The following LAMB1 variants were observed in gnomAD, a reference collection of about 807,000 sequenced individuals.
LAMB1 encodes the protein laminin subunit beta 1, also known as laminin subunit beta-1.
Under a neutral mutation model 222.3 loss-of-function variants are expected in LAMB1, and 121 were observed. That is an observed-to-expected ratio of 0.54 (90% confidence interval 0.47 to 0.63). LAMB1 has a LOEUF of 0.63. Among genes scored for constraint, LAMB1 ranks in the 30% least tolerant of loss-of-function variants. The pLI is 0.00. For missense variants in LAMB1, 2,172 were observed against 2,240.8 expected (o/e 0.97, Z 0.62); for synonymous variants, 794 against 807.2 (o/e 0.98, Z 0.28).
intron 13 of LAMB1, among the ~76,000 whole-genome samples, chr7:107,970,388 T>G (rs946688236): frequency 1.3e-5 from 2 of 149,012 alleles, no homozygotes; most frequent in African/African-American, 5.0e-5. Context: ...CTCGGGAGGC[T>G]GAGGTGGGAG....
rs777762517 is a variant in LAMB1 at position 107,935,659 on chromosome 7, A to G, written c.3947-3T>C. 55 of 1,613,286 alleles carry G rather than the reference A, an allele frequency of 3.4e-5. No homozygotes were observed. The African/African-American group carries it at 7.1e-4, about 21-fold the overall frequency. ...CTTGGTAATGCTATCCAAGGCACCT[A>G]GGGTAGGAAATGAAATTGCCCACAG... On this transcript the variant is annotated splice_region_variant and splice_polypyrimidine_tract_variant and intron_variant, in intron 26 of 33. Transcript: ENST00000222399.
At chr7:108,000,975 G>T (rs1424872232) in intron 3 of LAMB1, among the ~76,000 whole-genome samples, 1 of 152,180 alleles carries the variant, frequency 6.6e-6, no homozygotes, top group Non-Finnish European at 1.5e-5. Context: ...CCCTCTTTTA[G>T]AAACAGGTAA....
intron 5 of LAMB1, among the ~76,000 whole-genome samples, chr7:107,988,010 C>G (rs2034112045): frequency 6.6e-6 from 1 of 152,118 alleles, no homozygotes; most frequent in South Asian, 2.1e-4. Flanking sequence ...GTGGTAGTTA[C>G]TGGACATGGA....
chr7:107,979,143 T>A (rs1247055814), intron 8 of LAMB1, among the ~76,000 whole-genome samples: 2 of 152,236 alleles, frequency 1.3e-5, no homozygotes, highest in African/African-American at 4.8e-5. Flanking sequence ...TAACAGGACA[T>A]TAGCTACACA....
chr7:107,994,342 TTC>T (rs1442383053), intron 5 of LAMB1, among the ~76,000 whole-genome samples: 1 of 152,202 alleles, frequency 6.6e-6, no homozygotes, highest in Non-Finnish European at 1.5e-5. Flanking sequence ...TGTAAAACTG[TTC>T]CTTAAGCTAT....
chr7:107,986,570 T>C (rs1003037610), intron 5 of LAMB1, among the ~76,000 whole-genome samples: 8 of 152,196 alleles, frequency 5.3e-5, no homozygotes, highest in African/African-American at 1.7e-4. Flanking sequence ...CTAAAATGTA[T>C]ACTTTTCCCC....
chr7:107,931,744 T>C (rs1189528641), intron 28 of LAMB1: 2 of 517,884 alleles, frequency 3.9e-6, no homozygotes, highest in African/African-American at 3.9e-5. Context: ...AAGTTGTTTT[T>C]TAACTCCTGG....
chr7:107,982,889 C>T (rs1198460284), intron 7 of LAMB1, among the ~76,000 whole-genome samples: 2 of 152,132 alleles, frequency 1.3e-5, no homozygotes, highest in Non-Finnish European at 1.5e-5. Context: ...AAAGATTCTC[C>T]GATGTCATTT....
chr7:107,979,849 G>A (rs1203902437), intron 8 of LAMB1, among the ~76,000 whole-genome samples: 5 of 152,190 alleles, frequency 3.3e-5, no homozygotes, highest in East Asian at 3.9e-4. Flanking sequence ...AGAGGTGTGC[G>A]GATCACTTGA....
chr7:107,985,971 A>C (rs762473558), intron 7 of LAMB1, 51 bp downstream of exon 7: 2 of 1,423,930 alleles, frequency 1.4e-6, no homozygotes, highest in Admixed American at 3.4e-5. Flanking sequence ...AAACAAAACA[A>C]AACAAACAAA....
At chr7:107,946,155 C>A (rs978338584) in intron 24 of LAMB1, among the ~76,000 whole-genome samples, 1 of 152,168 alleles carries the variant, frequency 6.6e-6, no homozygotes, top group African/African-American at 2.4e-5. Context: ...TGGACCTTGC[C>A]TCAAAGCAAC....
In LAMB1 at chr7:107,964,630, G is replaced by A. The variant is rs762973170; in HGVS notation, c.1620C>T (p.Cys540=). ...SCRPHMIGRQ[C]NEVEPGYYFA... ...AGTAGTAACCAGGTTCCACTTCGTT[G>A]CACTGACGTCCAATCATGTGAGGCC... Residue 540 remains cysteine (C), a synonymous_variant, in exon 14 of 34, where the codon TGC becomes TGT. Transcript: ENST00000222399. 1.2e-6 allele frequency: 2 copies of A among 1,614,136 alleles called. No individual in the cohort carries two copies. The highest frequency in any genetic ancestry group is 1.7e-6 in the Non-Finnish European group (2 of 1,180,010).
Position 107,940,289 on chromosome 7 carries a change from A to G in LAMB1, c.3461T>C (p.Val1154Ala), listed in dbSNP as rs376181701. 1 of 1,614,110 alleles carries G rather than the reference A, an allele frequency of 6.2e-7. No homozygotes were observed. Among genetic ancestry groups the G allele is most frequent in the Non-Finnish European group, 8.5e-7 (1 of 1,180,000 alleles). The change falls in exon 25 of 34, where the codon GTT becomes GCT. Residue 1154 changes from valine to alanine, a missense_variant. Coordinates refer to ENST00000222399, the MANE Select transcript of LAMB1 (RefSeq NM_002291.3). Reference sequence around the variant, plus strand: ...ACAGCGTGGACCCTCAACACCCTCAACGCAGACACACTGGCCCGTGGACTG... The same window carrying G: ...ACAGCGTGGACCCTCAACACCCTCAGCGCAGACACACTGGCCCGTGGACTG... ...CDQSTGQCVC[V>A]EGVEGPRCDK...
intron 24 of LAMB1, among the ~76,000 whole-genome samples, chr7:107,947,983 CTTTTTTTT>C (rs10630521): frequency 1.7e-5 from 2 of 117,252 alleles, no homozygotes; most frequent in African/African-American, 6.6e-5. Context: ...TCTTCTTCTT[CTTTTTTTT>C]TTTTTTTTTT....
chr7:107,926,406 A>T (rs763991148), intron 31 of LAMB1, 47 bp from the exon 32 acceptor site: 17 of 1,520,426 alleles, frequency 1.1e-5, no homozygotes, highest in Admixed American at 6.9e-5. Context: ...TAAGAAATGG[A>T]ATTACTATGA....
intron 26 of LAMB1, among the ~76,000 whole-genome samples, chr7:107,935,944 T>C (rs1405633403): frequency 2.6e-5 from 4 of 152,226 alleles, no homozygotes; most frequent in African/African-American, 9.6e-5. Context: ...TATAAATAGC[T>C]GGTTTCAGGC....
chr7:107,966,129 A>G (rs991398475), intron 13 of LAMB1, among the ~76,000 whole-genome samples: 14 of 151,840 alleles, frequency 9.2e-5, no homozygotes, highest in Non-Finnish European at 4.4e-5. Flanking sequence ...AAAATCCTAA[A>G]CGACCCTGCC....
chr7:107,971,215 G>T (rs1385887467), intron 13 of LAMB1, among the ~76,000 whole-genome samples: 1 of 152,126 alleles, frequency 6.6e-6, no homozygotes, highest in African/African-American at 2.4e-5. Flanking sequence ...GAGTGTCTGG[G>T]ATCACATTTA....
chr7:107,931,300 A>T, intron 29 of LAMB1, 56 bp downstream of exon 29: 2 of 1,479,102 alleles, frequency 1.4e-6, no homozygotes, highest in Non-Finnish European at 1.9e-6. Flanking sequence ...TCTAAAATGT[A>T]AACAGAGAAT....
Sources: allele counts gnomAD v4.1 joint callset (sites outside exome capture counted in the v4.1 genomes callset), GRCh38; gene constraint gnomAD v4.1.1; transcripts MANE v1.5; gene names NCBI Gene and HGNC (gene_info 2026-07-23, HGNC 2026-07-21).